HACL1: variants seen among roughly 807,000 people sequenced by gnomAD.
The protein encoded by HACL1 is 1600020H07Rik.
HACL1 carries 64 observed loss-of-function variants against 74.2 expected under a neutral mutation model. The observed-to-expected ratio is 0.86, with a 90% confidence interval of 0.70 to 1.06. The LOEUF (loss-of-function observed/expected upper bound fraction) is 1.06. Ranked by LOEUF, HACL1 falls within the 50% of genes least tolerant of loss-of-function variation. The pLI is 0.00. For synonymous variants in HACL1, 230 were observed against 238.8 expected (o/e 0.96, Z 0.34); for missense variants, 728 against 719.7 (o/e 1.01, Z -0.13).
At chr3:15,589,452 G>C in intron 5 of HACL1, 88 bp downstream of exon 5, 1 of 769,082 alleles carries the variant, frequency 1.3e-6, no homozygotes, top group African/African-American at 1.7e-5. Context: ...AGCTGAGATG[G>C]CACCACTGCA....
intron 1 of HACL1, 52 bp from the exon 2 acceptor site, chr3:15,601,246 A>T: frequency 6.5e-7 from 1 of 1,539,540 alleles, no homozygotes; most frequent in Non-Finnish European, 9.0e-7. Flanking sequence ...CCATATCGCC[A>T]CATCCTTCCC....
At chr3:15,591,145 CTTTT>C (rs750551417) in intron 4 of HACL1, among the ~76,000 whole-genome samples, 52 of 152,096 alleles carry the variant, frequency 3.4e-4, no homozygotes, top group Admixed American at 4.6e-4. Flanking sequence ...TCCTAATACT[CTTTT>C]TTAAGTTATA....
At position 15,591,554 on chromosome 3, in the gene HACL1, A is replaced by G. The variant is rs767369352; in HGVS notation, c.308+46T>C. On this transcript the variant is annotated intron_variant, in intron 4 of 16. Coordinates refer to ENST00000321169, the MANE Select transcript of HACL1 (RefSeq NM_012260.4). ...TTAGCTCTACTCAGTAAAATCCTGC[A>G]GTGACCTTTTTAAGAAAATGTTTTC... 1.4e-5 allele frequency: 16 copies of G among 1,134,272 alleles called. No individual in the cohort carries two copies. The Admixed American group carries it at 2.8e-4, about 20-fold the overall frequency. 70.3% of individuals were successfully genotyped at this position (1,134,272 alleles called of 1,614,324 possible). A position where few individuals can be genotyped will look rare whatever the true frequency, so the allele number is the denominator to read the frequency against.
intron 7 of HACL1, 44 bp from the exon 8 acceptor site, chr3:15,583,033 TC>T (rs2063739058): frequency 5.6e-6 from 5 of 890,008 alleles, no homozygotes; most frequent in East Asian, 2.5e-5. Flanking sequence ...CCAACTATGA[TC>T]TTTTTATTGT....
At position 15,601,557 on chromosome 3, in the gene HACL1, G is replaced by A. The variant is rs1306877866; in HGVS notation, c.-94C>T. 6.2e-7 allele frequency: 1 copy of A among 1,603,416 alleles called. No homozygotes were observed. Among genetic ancestry groups the A allele is most frequent in the Non-Finnish European group, 8.5e-7 (1 of 1,178,926 alleles). ...CGAAATCGGCAGCACGCCACCTCTGGTACTGCACCTCTGACGGACAGGAGG... is the reference window on the plus strand; with the variant it reads ...CGAAATCGGCAGCACGCCACCTCTGATACTGCACCTCTGACGGACAGGAGG... On this transcript the variant is annotated 5_prime_UTR_variant, in exon 1 of 17. Transcript: ENST00000321169.
At position 15,571,773 on chromosome 3, in the gene HACL1, A is replaced by C; in HGVS notation, c.994-4T>G. On this transcript the variant is annotated splice_polypyrimidine_tract_variant and splice_region_variant and intron_variant, in intron 11 of 16. Coordinates refer to ENST00000321169, the MANE Select transcript of HACL1 (RefSeq NM_012260.4). The stretch of plus-strand genomic sequence containing the variant: ...TTTTATCAAGTTCCTCTAAAAGCTT[A>C]AAAAAAAAAAAACACACACACACAA... 1 of 520,762 alleles carries C rather than the reference A, an allele frequency of 1.9e-6. No homozygotes were observed. Among genetic ancestry groups the C allele is most frequent in the African/African-American group, 2.4e-5 (1 of 41,286 alleles). 32.3% of individuals were successfully genotyped at this position (520,762 alleles called of 1,614,324 possible).
At chr3:15,596,504 T>G in intron 2 of HACL1, 80 bp from the exon 3 acceptor site, 1 of 824,086 alleles carries the variant, frequency 1.2e-6, no homozygotes, top group South Asian at 1.4e-5. Flanking sequence ...TATTAAATAA[T>G]AGACAAGAAC....
At chr3:15,572,060 G>A (rs748112170) in intron 11 of HACL1, among the ~76,000 whole-genome samples, 9 of 151,674 alleles carry the variant, frequency 5.9e-5, no homozygotes, top group Non-Finnish European at 4.4e-5. Context: ...GGCTGGTCTC[G>A]AACTCCTGAC....
intron 12 of HACL1, 125 bp downstream of exon 12, chr3:15,571,543 T>C (rs945653703): frequency 8.5e-6 from 6 of 703,790 alleles, no homozygotes; most frequent in African/African-American, 5.5e-5. Flanking sequence ...CCATGAGACC[T>C]GGGGTTTTCA....
chr3:15,575,009 G>C lies in HACL1; in HGVS notation c.877C>G (p.Pro293Ala). 1 of 1,581,112 alleles carries C rather than the reference G, an allele frequency of 6.3e-7. No individual in the cohort carries two copies. The highest frequency in any genetic ancestry group is 8.7e-7 in the Non-Finnish European group (1 of 1,151,216). Residue 293 changes from proline to alanine, a missense_variant, in exon 10 of 17, where the codon CCA (proline) becomes GCA (alanine). Coordinates refer to ENST00000321169, the MANE Select transcript of HACL1 (RefSeq NM_012260.4). ...AACTTCACATCTGGCTGATATCTTG[G>C]AGGCAGTCCAAAATGTAAAATCCAA... Reference protein sequence around the residue: ...LNWILHFGLPPRYQPDVKFIQ... With the variant: ...LNWILHFGLPARYQPDVKFIQ...
Position 15,580,004 on chromosome 3 carries a change from C to T in HACL1, c.709G>A (p.Val237Met). ...AHAEESIKKL[V>M]EQYKLPFLPT... ...AAAAATGGCAGTTTATATTGCTCCA[C>T]CAATTTCTTGATACTCTCTTCTGCA... is the stretch of plus-strand genomic sequence containing the variant. Residue 237 changes from valine to methionine, a missense_variant, in exon 9 of 17, where the codon GTG becomes ATG. Transcript: ENST00000321169. 1 of 1,610,980 alleles carries T rather than the reference C, an allele frequency of 6.2e-7. No homozygotes were observed. The highest frequency in any genetic ancestry group is 8.5e-7 in the Non-Finnish European group (1 of 1,177,244).
chr3:15,578,893 A>T (rs561950237), intron 9 of HACL1, among the ~76,000 whole-genome samples: 1 of 152,284 alleles, frequency 6.6e-6, no homozygotes, highest in Non-Finnish European at 1.5e-5. Flanking sequence ...GCAACTGAGA[A>T]TGGGAGAGTG....
chr3:15,577,038 C>T (rs1272972506), intron 9 of HACL1, among the ~76,000 whole-genome samples: 1 of 152,016 alleles, frequency 6.6e-6, no homozygotes, highest in Non-Finnish European at 1.5e-5. Context: ...TAAAATCTGG[C>T]TAGACTGAAG....
At chr3:15,569,035 T>C (rs2063479898) in intron 12 of HACL1, among the ~76,000 whole-genome samples, 1 of 152,146 alleles carries the variant, frequency 6.6e-6, no homozygotes, top group Non-Finnish European at 1.5e-5. Context: ...TAGAATACAA[T>C]CTGAAAATCT....
At chr3:15,592,119 T>C (rs115871182) in intron 3 of HACL1, among the ~76,000 whole-genome samples, 202 of 148,058 alleles carry the variant, frequency 1.4e-3, no homozygotes, top group South Asian at 4.4e-3. Flanking sequence ...ATACACACTA[T>C]ATACGTATAC....
chr3:15,566,403 T>A (rs897005415), intron 14 of HACL1, among the ~76,000 whole-genome samples: 1 of 152,178 alleles, frequency 6.6e-6, no homozygotes, highest in Non-Finnish European at 1.5e-5. Context: ...CCTGTAATTC[T>A]AGCACTTAGA....
At chr3:15,592,097 A>G (rs1357623589) in intron 3 of HACL1, among the ~76,000 whole-genome samples, 92 of 141,926 alleles carry the variant, frequency 6.5e-4, no homozygotes, top group African/African-American at 2.4e-3. Context: ...TACACACACT[A>G]TATACGTATA....
intron 14 of HACL1, among the ~76,000 whole-genome samples, chr3:15,565,035 T>C (rs1469095293): frequency 6.6e-6 from 1 of 151,938 alleles, no homozygotes; most frequent in Admixed American, 6.6e-5. Context: ...CATGGTGGCA[T>C]GTGCCTGTAG....
intron 2 of HACL1, among the ~76,000 whole-genome samples, chr3:15,597,134 G>A (rs1382434803): frequency 1.3e-5 from 2 of 151,982 alleles, no homozygotes; most frequent in South Asian, 4.2e-4. Flanking sequence ...TCCTGACATT[G>A]GTAATCTGTT....
Sources: allele counts gnomAD v4.1 joint callset (sites outside exome capture counted in the v4.1 genomes callset), GRCh38; gene constraint gnomAD v4.1.1; transcripts MANE v1.5; gene names NCBI Gene and HGNC (gene_info 2026-07-23, HGNC 2026-07-21).